The following FAF1 variants were observed in gnomAD, a reference collection of about 807,000 sequenced individuals.
The protein encoded by FAF1 is Fas associated factor 1.
Under a neutral mutation model 92.5 loss-of-function variants are expected in FAF1, and 25 were observed. The ratio of observed to expected loss-of-function variants is 0.27; its 90% CI spans 0.20 to 0.38. FAF1 has a LOEUF of 0.38. Ranked by LOEUF, FAF1 falls within the 10% of genes least tolerant of loss-of-function variation. FAF1 has a pLI of 1.00. For missense variants in FAF1, 636 were observed against 793.3 expected (o/e 0.80, Z 2.38); for synonymous variants, 234 against 273.2 (o/e 0.86, Z 1.42).
chr1:50,866,742 CT>C lies in FAF1; in HGVS notation c.46-8746del, dbSNP rs372532554. ...TGATCATGGATGGGTAGAATCAATA[CT>C]AGAAAGATGACCATACTGCCAAAAG... On this transcript the variant is annotated intron_variant, in intron 1 of 18. Transcript: ENST00000396153. 6.0e-4 allele frequency among the ~76,000 whole-genome samples: 92 copies of C among 152,162 alleles called. 1 individual carries two copies. The East Asian group carries it at 0.014, about 23-fold the overall frequency.
chr1:50,577,097 C>T (rs1335566396), intron 12 of FAF1, among the ~76,000 whole-genome samples: 2 of 152,182 alleles, frequency 1.3e-5, no homozygotes, highest in Non-Finnish European at 2.9e-5. Flanking sequence ...TCCAGTAATA[C>T]CAAACTGGTT....
chr1:50,880,887 T>G (rs1428859070), intron 1 of FAF1, among the ~76,000 whole-genome samples: 1 of 152,226 alleles, frequency 6.6e-6, no homozygotes, highest in Non-Finnish European at 1.5e-5. Flanking sequence ...ACCATTTGGC[T>G]CTGCAATTTC....
intron 12 of FAF1, among the ~76,000 whole-genome samples, chr1:50,570,806 A>T (rs1557999341): frequency 6.6e-6 from 1 of 152,218 alleles, no homozygotes; most frequent in Non-Finnish European, 1.5e-5. Context: ...TCACAGATAA[A>T]TGGACTCCAG....
chr1:50,901,872 A>G (rs1255998376), intron 1 of FAF1, among the ~76,000 whole-genome samples: 1 of 152,156 alleles, frequency 6.6e-6, no homozygotes, highest in Admixed American at 6.5e-5. Flanking sequence ...CTCAAAAACA[A>G]CAACAACAAA....
At chr1:50,725,465 AT>A (rs1658610650) in intron 6 of FAF1, among the ~76,000 whole-genome samples, 2 of 151,886 alleles carry the variant, frequency 1.3e-5, no homozygotes, top group South Asian at 4.2e-4. Context: ...TTTAAAAAAA[AT>A]TTTTTTTGAG....
chr1:50,837,478 T>G (rs550651803), intron 2 of FAF1, among the ~76,000 whole-genome samples: 3 of 152,326 alleles, frequency 2.0e-5, no homozygotes, highest in Non-Finnish European at 4.4e-5. Flanking sequence ...TTAAATATTT[T>G]TGGCAAGAAT....
At chr1:50,554,412 G>GAGAC (rs1649470462) in intron 13 of FAF1, among the ~76,000 whole-genome samples, 1 of 148,300 alleles carries the variant, frequency 6.7e-6, no homozygotes, top group African/African-American at 2.5e-5. Flanking sequence ...GAGAGAGAGA[G>GAGAC]AGAGTCTTAA....
chr1:50,655,349 A>G (rs992839137), intron 8 of FAF1, 93 bp downstream of exon 8: 2 of 850,014 alleles, frequency 2.4e-6, no homozygotes, highest in Non-Finnish European at 4.1e-6. Flanking sequence ...GAAGACTCAA[A>G]GCATTTAATT....
At chr1:50,752,768 C>A (rs546690545) in intron 4 of FAF1, among the ~76,000 whole-genome samples, 5 of 152,006 alleles carry the variant, frequency 3.3e-5, no homozygotes, top group Non-Finnish European at 5.9e-5. Context: ...CTGCAGCCTC[C>A]GCCTCCCGGG....
chr1:50,586,557 T>C (rs575557732), intron 9 of FAF1, among the ~76,000 whole-genome samples: 44 of 152,326 alleles, frequency 2.9e-4, no homozygotes, highest in African/African-American at 1.0e-3. Flanking sequence ...ATAATGAAGA[T>C]ACATTTGTTG....
chr1:50,958,756 T>C (rs952928177), intron 1 of FAF1, among the ~76,000 whole-genome samples: 10 of 151,954 alleles, frequency 6.6e-5, no homozygotes, highest in Admixed American at 6.5e-4. Context: ...CCCAACAAAA[T>C]TTCAGCAAGG....
intron 1 of FAF1, among the ~76,000 whole-genome samples, chr1:50,892,372 C>T (rs547524831): frequency 6.6e-6 from 1 of 152,220 alleles, no homozygotes; most frequent in Non-Finnish European, 1.5e-5. Flanking sequence ...GTCCGACAAG[C>T]CCCAGTGAGA....
chr1:50,713,783 T>G (rs1189656294), intron 6 of FAF1, among the ~76,000 whole-genome samples: 1 of 149,932 alleles, frequency 6.7e-6, no homozygotes, highest in African/African-American at 2.5e-5. Context: ...CTTTTTTTTT[T>G]TTTTTTTTGA....
chr1:50,739,359 TGTGTACAC>T (rs1460943974), intron 5 of FAF1, among the ~76,000 whole-genome samples: 1 of 152,098 alleles, frequency 6.6e-6, no homozygotes, highest in Non-Finnish European at 1.5e-5. Context: ...CATGTGTACA[TGTGTACAC>T]GTACATACAT....
intron 2 of FAF1, chr1:50,846,855 G>T: frequency 1.8e-6 from 1 of 550,948 alleles, no homozygotes; most frequent in South Asian, 1.8e-5. Context: ...AGATTCACCA[G>T]GAATTAGCCT....
chr1:50,893,436 G>C (rs1410793058), intron 1 of FAF1, among the ~76,000 whole-genome samples: 1 of 152,212 alleles, frequency 6.6e-6, no homozygotes, highest in Non-Finnish European at 1.5e-5. Context: ...CAGACTTCTA[G>C]AGGTATTGCC....
At chr1:50,519,904 T>TCC (rs1376786539) in intron 15 of FAF1, among the ~76,000 whole-genome samples, 1 of 152,240 alleles carries the variant, frequency 6.6e-6, no homozygotes, top group Non-Finnish European at 1.5e-5. Flanking sequence ...ACACCCTACA[T>TCC]GTATCTCCAT....
intron 18 of FAF1, among the ~76,000 whole-genome samples, chr1:50,447,009 T>C (rs1646234918): frequency 6.7e-6 from 1 of 148,368 alleles, no homozygotes; most frequent in Non-Finnish European, 1.5e-5. Context: ...TCCCCACCTC[T>C]TACAAGTAGC....
chr1:50,641,514 A>G (rs1031837545), intron 8 of FAF1, among the ~76,000 whole-genome samples: 3 of 152,166 alleles, frequency 2.0e-5, no homozygotes, highest in Non-Finnish European at 4.4e-5. Flanking sequence ...TTAGTGATAC[A>G]TAATTTAATT....
Sources: allele counts gnomAD v4.1 joint callset (sites outside exome capture counted in the v4.1 genomes callset), GRCh38; gene constraint gnomAD v4.1.1; transcripts MANE v1.5; gene names NCBI Gene and HGNC (gene_info 2026-07-23, HGNC 2026-07-21).